Variants in TNFSF4 observed in about 807,000 individuals in gnomAD.
TNFSF4 encodes the protein TNF superfamily member 4.
TNFSF4 carries 4 observed loss-of-function variants against 7.3 expected under a neutral mutation model. That is an observed-to-expected ratio of 0.55 (90% confidence interval 0.27 to 1.25). The LOEUF is 1.25. Among genes scored for constraint, TNFSF4 ranks in the 50% most tolerant of loss-of-function variants. TNFSF4 has a pLI of 0.12. For missense variants in TNFSF4, 181 were observed against 208.8 expected (o/e 0.87, Z 0.82); for synonymous variants, 76 against 83.7 (o/e 0.91, Z 0.50).
chr1:173,401,923 T>C, the TNFSF4 span, among the ~76,000 whole-genome samples: 1 of 152,258 alleles, frequency 6.6e-6, no homozygotes. Flanking sequence ...AGACATTAGA[T>C]CATCCTTATT....
chr1:173,236,719 G>A, the TNFSF4 span, among the ~76,000 whole-genome samples: 1 of 152,046 alleles, frequency 6.6e-6, no homozygotes, highest in Non-Finnish European at 1.5e-5. Context: ...AATATTAAGT[G>A]AAACTAGCCA....
the TNFSF4 span, among the ~76,000 whole-genome samples, chr1:173,432,115 T>C: frequency 1.3e-5 from 2 of 152,172 alleles, no homozygotes; most frequent in Non-Finnish European, 2.9e-5. Flanking sequence ...CACGTAATAA[T>C]GTGAAGCAAG....
At chr1:173,408,881 C>G in the TNFSF4 span, among the ~76,000 whole-genome samples, 1 of 152,176 alleles carries the variant, frequency 6.6e-6, no homozygotes, top group Non-Finnish European at 1.5e-5. Context: ...TGAGCCACTG[C>G]ACCTGGCCAG....
the TNFSF4 span, among the ~76,000 whole-genome samples, chr1:173,394,537 A>G: frequency 1.3e-5 from 2 of 152,184 alleles, no homozygotes; most frequent in African/African-American, 2.4e-5. Context: ...TAGCGTTTGA[A>G]TCTGTGGACT....
At chr1:173,383,473 ATGT>A in the TNFSF4 span, among the ~76,000 whole-genome samples, 3 of 152,202 alleles carry the variant, frequency 2.0e-5, no homozygotes, top group African/African-American at 7.2e-5. Context: ...AAAAGCTGAT[ATGT>A]CTGTCTGTGG....
At chr1:173,257,691 C>A in the TNFSF4 span, among the ~76,000 whole-genome samples, 1 of 152,194 alleles carries the variant, frequency 6.6e-6, no homozygotes, top group African/African-American at 2.4e-5. Context: ...CATGAGGCTT[C>A]TATTATCCTT....
chr1:173,215,381 T>A, the TNFSF4 span, among the ~76,000 whole-genome samples: 1 of 152,208 alleles, frequency 6.6e-6, no homozygotes, highest in Non-Finnish European at 1.5e-5. Flanking sequence ...CATTGCTTCT[T>A]GAAGTTTCTC....
At chr1:173,202,858 G>A (rs978517825) in intron 1 of TNFSF4, among the ~76,000 whole-genome samples, 17 of 151,982 alleles carry the variant, frequency 1.1e-4, no homozygotes, top group African/African-American at 3.1e-4. Context: ...ATTCCCATCC[G>A]CTTGTCTGCT....
At chr1:173,432,958 C>T in the TNFSF4 span, among the ~76,000 whole-genome samples, 242 of 152,130 alleles carry the variant, frequency 1.6e-3, 1 homozygote, top group African/African-American at 5.2e-3. Flanking sequence ...ATTTCAAAGA[C>T]GGTAAAATGT....
chr1:173,416,608 T>TTTTTTTTATTTATTTA, the TNFSF4 span, among the ~76,000 whole-genome samples: 24 of 121,984 alleles, frequency 2.0e-4, no homozygotes, highest in South Asian at 1.8e-3. Context: ...ATTTTTTTAT[T>TTTTTTTTATTTATTTA]TTTATTTATT....
the TNFSF4 span, among the ~76,000 whole-genome samples, chr1:173,313,360 T>C: frequency 6.6e-6 from 1 of 152,158 alleles, no homozygotes; most frequent in Non-Finnish European, 1.5e-5. Flanking sequence ...CCTAACATTC[T>C]CAATTGAATA....
chr1:173,382,909 C>CACAA, the TNFSF4 span, among the ~76,000 whole-genome samples: 633 of 67,258 alleles, frequency 9.4e-3, 3 homozygotes, highest in African/African-American at 0.021. Context: ...CACACACACA[C>CACAA]AAAGGTGCGT....
chr1:173,204,886 C>G (rs993365493), intron 1 of TNFSF4, among the ~76,000 whole-genome samples: 4 of 148,008 alleles, frequency 2.7e-5, no homozygotes, highest in African/African-American at 1.0e-4. Flanking sequence ...TTCTCTCTCT[C>G]TCTCAAACAC....
intron 2 of TNFSF4, among the ~76,000 whole-genome samples, chr1:173,187,203 G>A (rs1322572654): frequency 6.6e-6 from 1 of 152,214 alleles, no homozygotes; most frequent in Non-Finnish European, 1.5e-5. Flanking sequence ...TTCAGGAGCT[G>A]AGAGATTACA....
At chr1:173,407,483 C>G in the TNFSF4 span, among the ~76,000 whole-genome samples, 1 of 149,310 alleles carries the variant, frequency 6.7e-6, no homozygotes, top group South Asian at 2.1e-4. Context: ...TCACTTGAGC[C>G]CAGGAAGTGG....
the TNFSF4 span, among the ~76,000 whole-genome samples, chr1:173,219,474 T>G: frequency 5.9e-5 from 9 of 152,126 alleles, no homozygotes; most frequent in Non-Finnish European, 1.2e-4. Flanking sequence ...CTAGTAGAGA[T>G]TCCGTAAAGA....
the TNFSF4 span, among the ~76,000 whole-genome samples, chr1:173,429,901 G>A: frequency 4.2e-4 from 64 of 152,334 alleles, no homozygotes; most frequent in African/African-American, 1.4e-3. Context: ...CTTTTAGGAC[G>A]TGCTGGGCTG....
chr1:173,223,478 T>C, the TNFSF4 span, among the ~76,000 whole-genome samples: 10 of 149,862 alleles, frequency 6.7e-5, no homozygotes, highest in Non-Finnish European at 1.5e-4. Flanking sequence ...CTAAAGAAAA[T>C]AGTGAGGGAA....
chr1:173,244,696 A>G, the TNFSF4 span, among the ~76,000 whole-genome samples: 1 of 152,048 alleles, frequency 6.6e-6, no homozygotes, highest in Admixed American at 6.5e-5. Context: ...CTCGAATTAA[A>G]AAAAATTGGG....
Sources: gnomAD v4.1 joint callset for allele counts (sites outside exome capture counted in the v4.1 genomes callset) on GRCh38, gnomAD v4.1.1 for gene constraint, MANE v1.5 for transcripts, NCBI Gene and HGNC (gene_info 2026-07-23, HGNC 2026-07-21) for gene names.